CWH43: variants seen among roughly 807,000 people sequenced by gnomAD.
The protein encoded by CWH43 is cell wall biogenesis 43 C-terminal homolog.
Under a neutral mutation model 85.7 loss-of-function variants are expected in CWH43, and 91 were observed. The observed-to-expected ratio is 1.06, with a 90% CI of 0.90 to 1.26. CWH43 has a LOEUF of 1.26. Ranked by LOEUF, CWH43 falls within the 50% of genes most tolerant of loss-of-function variation. The pLI is 0.00. For synonymous variants in CWH43, 323 were observed against 293.6 expected, an observed-to-expected ratio of 1.10 and a Z score of -1.02; for missense variants, 869 against 839.2, an observed-to-expected ratio of 1.04 and a Z score of -0.44.
At chr4:48,990,718 C>T (rs1782633016) in intron 2 of CWH43, among the ~76,000 whole-genome samples, 1 of 152,192 alleles carries the variant, frequency 6.6e-6, no homozygotes, top group African/African-American at 2.4e-5. Context: ...AATGGCACAG[C>T]TGCTTTGGCA....
chr4:49,039,332 T>TATATATATATATATATATATAC (rs1228183888), intron 13 of CWH43, among the ~76,000 whole-genome samples: 11 of 48,496 alleles, frequency 2.3e-4, no homozygotes, highest in African/African-American at 6.6e-4. Flanking sequence ...TATATATATA[T>TATATATATATATATATATATAC]ACTGATGTAT....
intron 8 of CWH43, 23 bp from the exon 9 acceptor site, chr4:49,017,226 A>G: frequency 6.3e-7 from 1 of 1,584,232 alleles, no homozygotes; most frequent in Non-Finnish European, 8.6e-7. Flanking sequence ...AAAAAAACCC[A>G]ATTATTTCTT....
chr4:49,061,894 A>G lies in CWH43; in HGVS notation c.*4A>G. 7.4e-7 allele frequency: 1 copy of G among 1,356,038 alleles called. No homozygotes were observed. 84.0% of individuals were successfully genotyped at this position (1,356,038 alleles called of 1,614,324 possible). ...TACTCCCAAATACTTTTTATGAAAC[A>G]TTTAAAACAAGAAGTTATTGGCTGG... On this transcript the variant is annotated 3_prime_UTR_variant, in exon 16 of 16. Coordinates refer to ENST00000226432, the MANE Select transcript of CWH43 (RefSeq NM_025087.3).
chr4:49,059,873 A>C (rs1785089050), intron 15 of CWH43, among the ~76,000 whole-genome samples: 1 of 152,030 alleles, frequency 6.6e-6, no homozygotes, highest in Non-Finnish European at 1.5e-5. Flanking sequence ...CTTCAGCCTG[A>C]GTCTGCAGGA....
intron 14 of CWH43, among the ~76,000 whole-genome samples, chr4:49,050,399 T>C (rs1286135027): frequency 6.6e-6 from 1 of 152,138 alleles, no homozygotes; most frequent in South Asian, 2.1e-4. Flanking sequence ...CAAAACATGA[T>C]TGTGTGGGAG....
chr4:49,051,585 A>AT (rs1007756725), intron 15 of CWH43, among the ~76,000 whole-genome samples: 10 of 151,514 alleles, frequency 6.6e-5, no homozygotes, highest in East Asian at 3.9e-4. Context: ...GTGAAATACA[A>AT]TTTTTTTTTG....
intron 15 of CWH43, among the ~76,000 whole-genome samples, chr4:49,052,946 A>T (rs1267702364): frequency 6.6e-6 from 1 of 151,888 alleles, no homozygotes; most frequent in Non-Finnish European, 1.5e-5. Context: ...CTCAACCCTC[A>T]TCTCCCCCAG....
intron 12 of CWH43, among the ~76,000 whole-genome samples, chr4:49,036,450 C>A (rs1467519788): frequency 6.6e-6 from 1 of 152,194 alleles, no homozygotes; most frequent in African/African-American, 2.4e-5. Context: ...TCTTTTATTT[C>A]TTGAGACATC....
At chr4:49,060,588 C>T (rs974117866) in intron 15 of CWH43, among the ~76,000 whole-genome samples, 21 of 152,142 alleles carry the variant, frequency 1.4e-4, no homozygotes, top group Non-Finnish European at 3.1e-4. Flanking sequence ...GAGTATCTAT[C>T]TCTCTACTTA....
intron 5 of CWH43, among the ~76,000 whole-genome samples, chr4:48,998,058 C>G (rs1782869316): frequency 6.6e-6 from 1 of 151,984 alleles, no homozygotes; most frequent in Non-Finnish European, 1.5e-5. Context: ...CTTGGGAAGG[C>G]CGAGACTCTA....
At chr4:49,037,632 A>G (rs1009401162) in intron 12 of CWH43, among the ~76,000 whole-genome samples, 1 of 151,846 alleles carries the variant, frequency 6.6e-6, no homozygotes, top group African/African-American at 2.4e-5. Flanking sequence ...GGGCTCTGTG[A>G]ATGTCAGGAT....
intron 7 of CWH43, among the ~76,000 whole-genome samples, chr4:49,004,419 T>C (rs1248141748): frequency 1.3e-5 from 2 of 152,206 alleles, no homozygotes; most frequent in Admixed American, 1.3e-4. Context: ...TGAATGTTTT[T>C]TGAGATGAGG....
intron 5 of CWH43, among the ~76,000 whole-genome samples, chr4:48,996,266 C>T (rs1782809152): frequency 6.6e-6 from 1 of 151,576 alleles, no homozygotes; most frequent in Admixed American, 6.6e-5. Context: ...TACTTTGAGT[C>T]AATCAATTTT....
At chr4:49,002,801 G>A (rs1232149958) in intron 6 of CWH43, among the ~76,000 whole-genome samples, 1 of 152,132 alleles carries the variant, frequency 6.6e-6, no homozygotes, top group Non-Finnish European at 1.5e-5. Context: ...ATGGTGCAAT[G>A]GAATGTATTG....
chr4:49,038,133 C>CTGGCTGAATCTAATCA lies in CWH43; in HGVS notation c.1756_1757insTGGCTGAATCTAATCA (p.Pro586LeufsTer16). The CTGGCTGAATCTAATCA allele has an allele frequency of 6.2e-7, 1 of 1,611,462 alleles. No homozygotes were observed. Among genetic ancestry groups the CTGGCTGAATCTAATCA allele is most frequent in the Non-Finnish European group, 8.5e-7 (1 of 1,178,586 alleles). On this transcript the variant is annotated frameshift_variant, in exon 13 of 16. Coordinates refer to ENST00000226432, the MANE Select transcript of CWH43 (RefSeq NM_025087.3). LOFTEE classifies it high-confidence loss of function. ...ATTTCTGGGATATATCACTTCAGCA[C>CTGGCTGAATCTAATCA]CTGGCTCCAGAGATTATCTACAGCT...
At chr4:49,022,753 A>AT (rs1783792526) in intron 9 of CWH43, among the ~76,000 whole-genome samples, 1 of 151,254 alleles carries the variant, frequency 6.6e-6, no homozygotes, top group Non-Finnish European at 1.5e-5. Flanking sequence ...CAGAGTTTCT[A>AT]TTTTTTCCTG....
rs1417084012 is a variant in CWH43 at position 49,003,938 on chromosome 4, T to C, written c.1006T>C (p.Phe336Leu). 2 of 1,613,494 alleles carry C rather than the reference T, an allele frequency of 1.2e-6. No homozygotes were observed. The highest frequency in any genetic ancestry group is 4.5e-5 in the East Asian group (2 of 44,878). Reference sequence around the variant, plus strand: ...ATTTTTCTGTGCCTGGTGCACAGCTTTTAAGTTTGTCCCAGGAGGTGTCTA... The same window carrying C: ...ATTTTTCTGTGCCTGGTGCACAGCTCTTAAGTTTGTCCCAGGAGGTGTCTA... ...EIFFCAWCTA[F>L]KFVPGGVYAR... is the part of the protein sequence containing the mutation. The change falls in exon 7 of 16, where the codon TTT (phenylalanine) becomes CTT (leucine). Residue 336 changes from phenylalanine to leucine, a missense_variant. Phe to Leu is a conservative substitution (Grantham distance 22, BLOSUM62 0). Transcript: ENST00000226432.
chr4:49,048,100 A>T (rs1260229770), intron 14 of CWH43, among the ~76,000 whole-genome samples: 1 of 152,208 alleles, frequency 6.6e-6, no homozygotes, highest in Non-Finnish European at 1.5e-5. Flanking sequence ...TTTAAATGAG[A>T]TATCGGAAAT....
intron 12 of CWH43, among the ~76,000 whole-genome samples, chr4:49,034,049 T>C (rs1784186384): frequency 6.6e-6 from 1 of 152,208 alleles, no homozygotes; most frequent in Non-Finnish European, 1.5e-5. Context: ...TCATAAATAA[T>C]ATAAATAAAC....
Sources: allele counts gnomAD v4.1 joint callset (sites outside exome capture counted in the v4.1 genomes callset), GRCh38; gene constraint gnomAD v4.1.1; transcripts MANE v1.5; gene names NCBI Gene and HGNC (gene_info 2026-07-23, HGNC 2026-07-21).